Variants in RASGEF1C observed in about 807,000 individuals in gnomAD.
The protein encoded by RASGEF1C is ras-GEF domain-containing family member 1C.
RASGEF1C carries 27 observed loss-of-function variants against 58.1 expected under a neutral mutation model. The ratio of observed to expected loss-of-function variants is 0.46; its 90% CI spans 0.34 to 0.64. The LOEUF is 0.64. Among genes scored for constraint, RASGEF1C ranks in the 30% least tolerant of loss-of-function variants. The pLI is 0.01. For missense variants in RASGEF1C, 502 were observed against 605.1 expected, an observed-to-expected ratio of 0.83 and a Z score of 1.79; for synonymous variants, 243 against 246.3, an observed-to-expected ratio of 0.99 and a Z score of 0.13.
intron 1 of RASGEF1C, among the ~76,000 whole-genome samples, chr5:180,163,605 C>T (rs1174745954): frequency 2.0e-5 from 3 of 152,188 alleles, no homozygotes; most frequent in South Asian, 4.1e-4. Flanking sequence ...AGTCTTGCAT[C>T]CCCAGGATAA....
Position 180,135,159 on chromosome 5 carries a change from G to C in RASGEF1C, c.438+1219C>G, listed in dbSNP as rs976861016. On this transcript the variant is annotated intron_variant, in intron 4 of 13. Coordinates refer to ENST00000361132, the MANE Select transcript of RASGEF1C (RefSeq NM_175062.4). ...ATGCGGAGGAGGGAGAGGAGGCCAT[G>C]AGGAGCAGAACAGAGGAGGGGAGAA... is the stretch of plus-strand genomic sequence containing the variant. The C allele has an allele frequency of 3.3e-5, 5 of 151,904 alleles. No individual in the cohort carries two copies. In the East Asian group the frequency reaches 8.0e-4, roughly 24 times the overall value. 9.4% of individuals were successfully genotyped at this position (151,904 alleles called of 1,614,324 possible).
rs1766474672 is a variant in RASGEF1C, at chr5:180,136,434, C to A, written c.382G>T (p.Glu128Ter). Reference protein sequence around the residue: ...TETFPRDFQEESTIGHLKDVV... With the variant: ...TETFPRDFQE Reference sequence around the variant, plus strand: ...TCCTTAAGGTGCCCGATAGTCGACTCTTCCTGGAAGTCCCTTGGGAAGGTC... The same window carrying A: ...TCCTTAAGGTGCCCGATAGTCGACTATTCCTGGAAGTCCCTTGGGAAGGTC... The change falls in exon 4 of 14, where the codon GAG becomes TAG. Residue 128 changes from glutamate to a stop codon, truncating the protein, a stop_gained. Transcript: ENST00000361132. LOFTEE classifies it high-confidence loss of function. 2.6e-6 allele frequency: 4 copies of A among 1,562,046 alleles called. No individual in the cohort carries two copies. The highest frequency in any genetic ancestry group is 2.6e-6 in the Non-Finnish European group (3 of 1,152,974).
rs74484137 is a variant in RASGEF1C, at chr5:180,144,203, C to G, written c.-6-6145G>C. Among the ~76,000 whole-genome samples the G allele has an allele frequency of 6.6e-3, 1,000 of 152,300 alleles. 12 individuals are homozygous for G. The highest frequency in any genetic ancestry group is 0.023 in the African/African-American group (969 of 41,556). On this transcript the variant is annotated intron_variant, in intron 1 of 13. Transcript: ENST00000361132. ...GCTCTGTGTGTGCCAAAAAGACTTGCCAACTGCACCGCCATGGTTCCCCAT... is the reference window on the plus strand; with the variant it reads ...GCTCTGTGTGTGCCAAAAAGACTTGGCAACTGCACCGCCATGGTTCCCCAT...
chr5:180,103,453 CTG>C (rs1765831308), intron 12 of RASGEF1C, among the ~76,000 whole-genome samples: 1 of 152,218 alleles, frequency 6.6e-6, no homozygotes, highest in South Asian at 2.1e-4. Flanking sequence ...ATGTGAGTGA[CTG>C]TAAATGGTAT....
chr5:180,118,346 G>A (rs560630775), intron 10 of RASGEF1C, among the ~76,000 whole-genome samples: 23 of 146,994 alleles, frequency 1.6e-4, no homozygotes, highest in East Asian at 1.5e-3. Context: ...GGCCTCACTC[G>A]TGTGGCCCCC....
chr5:180,148,958 T>A (rs1766703216), intron 1 of RASGEF1C, among the ~76,000 whole-genome samples: 1 of 152,228 alleles, frequency 6.6e-6, no homozygotes, highest in Non-Finnish European at 1.5e-5. Flanking sequence ...TACTCATTTT[T>A]GAAGGACAGT....
chr5:180,170,326 G>A (rs759283156), intron 1 of RASGEF1C, among the ~76,000 whole-genome samples: 13 of 152,312 alleles, frequency 8.5e-5, no homozygotes, highest in Non-Finnish European at 1.9e-4. Flanking sequence ...GGAGGCAGCT[G>A]CAAGGAGGGG....
intron 1 of RASGEF1C, among the ~76,000 whole-genome samples, chr5:180,183,460 T>TAA (rs200904857): frequency 3.7e-5 from 5 of 134,748 alleles, no homozygotes; most frequent in African/African-American, 1.4e-4. Flanking sequence ...GCTAGAATCA[T>TAA]AAAAAAAAAC....
At chr5:180,147,520 A>G (rs1766675859) in intron 1 of RASGEF1C, among the ~76,000 whole-genome samples, 1 of 151,994 alleles carries the variant, frequency 6.6e-6, no homozygotes, top group Non-Finnish European at 1.5e-5. Context: ...ATCTCTAAGT[A>G]TTTTCGAATT....
At chr5:180,115,292 A>T (rs1025154364) in intron 10 of RASGEF1C, 58 of 383,018 alleles carry the variant, frequency 1.5e-4, no homozygotes, top group Non-Finnish European at 1.7e-4. Context: ...CTCCTTTTTA[A>T]AAAAAAAAAA....
intron 1 of RASGEF1C, among the ~76,000 whole-genome samples, chr5:180,167,581 C>T (rs1767041998): frequency 1.3e-5 from 2 of 151,912 alleles, no homozygotes; most frequent in South Asian, 2.1e-4. Context: ...TTTCTTTATA[C>T]CTCTATTTCT....
intron 12 of RASGEF1C, among the ~76,000 whole-genome samples, chr5:180,105,944 T>C (rs6894296): frequency 0.82 from 125,338 of 152,118 alleles, 51,889 homozygotes; most frequent in South Asian, 0.93. Flanking sequence ...ATAGCTGAGG[T>C]GGCCACTAAG....
intron 1 of RASGEF1C, among the ~76,000 whole-genome samples, chr5:180,192,757 T>G (rs1051458725): frequency 1.8e-4 from 28 of 151,852 alleles, no homozygotes; most frequent in African/African-American, 3.6e-4. Flanking sequence ...TTTGTTTTTT[T>G]TTTTTGAGAT....
intron 3 of RASGEF1C, chr5:180,136,813 C>G (rs561083756): frequency 2.4e-6 from 1 of 425,190 alleles, no homozygotes; most frequent in African/African-American, 2.0e-5. Context: ...GGGGACCCTG[C>G]CCCAGGGGTG....
intron 1 of RASGEF1C, among the ~76,000 whole-genome samples, chr5:180,207,551 A>G (rs1561761932): frequency 1.3e-5 from 2 of 152,072 alleles, no homozygotes; most frequent in Non-Finnish European, 2.9e-5. Flanking sequence ...GGTCCCGGGC[A>G]GGGCCCCACC....
intron 8 of RASGEF1C, among the ~76,000 whole-genome samples, 191 bp downstream of exon 8, chr5:180,119,155 C>G (rs1263351199): frequency 6.6e-6 from 1 of 152,234 alleles, no homozygotes; most frequent in African/African-American, 2.4e-5. Flanking sequence ...GGGCTTGCCT[C>G]AAAAGGGGTG....
chr5:180,152,107 T>C (rs1178122625), intron 1 of RASGEF1C, among the ~76,000 whole-genome samples: 2 of 151,506 alleles, frequency 1.3e-5, no homozygotes, highest in African/African-American at 2.4e-5. Context: ...AGGAACACTT[T>C]TACACTGTTG....
chr5:180,207,735 C>T (rs1016218309), intron 1 of RASGEF1C, among the ~76,000 whole-genome samples: 3 of 152,164 alleles, frequency 2.0e-5, no homozygotes, highest in African/African-American at 7.2e-5. Context: ...GACGTCCAGA[C>T]CCTGTAGCGT....
chr5:180,124,228 T>C (rs1766219929), intron 6 of RASGEF1C, among the ~76,000 whole-genome samples: 1 of 23,674 alleles, frequency 4.2e-5, no homozygotes, highest in African/African-American at 1.4e-4. Flanking sequence ...CGAGACTCTG[T>C]CTCAAAAAAA....
Sources: gnomAD v4.1 joint callset for allele counts (sites outside exome capture counted in the v4.1 genomes callset) on GRCh38, gnomAD v4.1.1 for gene constraint, MANE v1.5 for transcripts, NCBI Gene and HGNC (gene_info 2026-07-23, HGNC 2026-07-21) for gene names.